EHBP1: variants seen among roughly 807,000 people sequenced by gnomAD.
The protein encoded by EHBP1 is EH domain binding protein 1.
A neutral mutation model predicts 144.0 loss-of-function variants in EHBP1; 55 were observed. That is an observed-to-expected ratio of 0.38 (90% CI 0.31 to 0.48). The LOEUF (loss-of-function observed/expected upper bound fraction) is 0.48. Among genes scored for constraint, EHBP1 ranks in the 20% least tolerant of loss-of-function variants. EHBP1 has a pLI of 0.98. For missense variants in EHBP1, 1,200 were observed against 1,364.2 expected (o/e 0.88, Z 1.90); for synonymous variants, 469 against 472.7 (o/e 0.99, Z 0.10).
intron 2 of EHBP1, among the ~76,000 whole-genome samples, chr2:62,747,004 T>C (rs548124323): frequency 3.9e-5 from 6 of 152,232 alleles, no homozygotes; most frequent in Non-Finnish European, 8.8e-5. Context: ...ATTCATAGAT[T>C]TAAATTATTT....
chr2:62,795,062 G>A (rs1264998025), intron 5 of EHBP1, among the ~76,000 whole-genome samples: 1 of 151,592 alleles, frequency 6.6e-6, no homozygotes, highest in African/African-American at 2.4e-5. Flanking sequence ...AATCAAATCT[G>A]TTTTTGACAT....
intron 2 of EHBP1, among the ~76,000 whole-genome samples, chr2:62,709,765 C>T (rs2034958676): frequency 6.6e-6 from 1 of 151,728 alleles, no homozygotes; most frequent in Non-Finnish European, 1.5e-5. Context: ...CTTAGTACCC[C>T]CAATACTTCT....
chr2:62,984,405 G>A (rs1194099601), intron 15 of EHBP1, among the ~76,000 whole-genome samples: 1 of 152,076 alleles, frequency 6.6e-6, no homozygotes. Context: ...ACCTTTTCCT[G>A]CACACACAGT....
At chr2:62,830,588 CTG>C (rs2046759503) in intron 6 of EHBP1, among the ~76,000 whole-genome samples, 1 of 152,162 alleles carries the variant, frequency 6.6e-6, no homozygotes, top group Non-Finnish European at 1.5e-5. Context: ...TTCTCCCACT[CTG>C]TGAGTTGTCT....
At position 62,887,498 on chromosome 2, in the gene EHBP1, G is replaced by T. The variant is rs558386200; in HGVS notation, c.1185+12966G>T. ...CATTCCTGTGATCCCAGCACTCTAAGAGGCTGAGGTGGGAGATTCGCTTGA... is the reference window on the plus strand; with the variant it reads ...CATTCCTGTGATCCCAGCACTCTAATAGGCTGAGGTGGGAGATTCGCTTGA... On this transcript the variant is annotated intron_variant, in intron 10 of 22. Coordinates refer to ENST00000431489, the MANE Select transcript of EHBP1 (RefSeq NM_001142616.3). Among the ~76,000 whole-genome samples the T allele has an allele frequency of 7.3e-5, 11 of 151,414 alleles. No individual in the cohort carries two copies. In the South Asian group the frequency reaches 2.3e-3, roughly 32 times the overall value.
At chr2:62,954,813 A>C (rs1453296035) in intron 13 of EHBP1, among the ~76,000 whole-genome samples, 1 of 152,168 alleles carries the variant, frequency 6.6e-6, no homozygotes, top group African/African-American at 2.4e-5. Context: ...TTGGTTACTT[A>C]GTAGAAAAAA....
intron 5 of EHBP1, among the ~76,000 whole-genome samples, chr2:62,790,079 A>G (rs1434233897): frequency 1.3e-5 from 2 of 152,170 alleles, no homozygotes; most frequent in African/African-American, 4.8e-5. Context: ...AGCCCAGGTG[A>G]ATATTTATAT....
chr2:62,749,645 C>A (rs181409294), intron 3 of EHBP1, among the ~76,000 whole-genome samples: 108 of 151,502 alleles, frequency 7.1e-4, no homozygotes, highest in African/African-American at 2.4e-3. Context: ...TCTCCAGCAC[C>A]TGTTTCCTGA....
chr2:62,898,867 G>GT (rs1438785656), intron 10 of EHBP1, among the ~76,000 whole-genome samples: 4 of 152,090 alleles, frequency 2.6e-5, no homozygotes, highest in African/African-American at 9.7e-5. Flanking sequence ...ATAATTTTGT[G>GT]TTTTAAAAAA....
chr2:62,864,138 A>G (rs777089370), intron 8 of EHBP1, among the ~76,000 whole-genome samples: 5 of 152,060 alleles, frequency 3.3e-5, no homozygotes, highest in African/African-American at 4.8e-5. Context: ...GCAAGAGACT[A>G]TGCCCAGCCT....
At chr2:62,879,590 C>G (rs113815436) in intron 10 of EHBP1, among the ~76,000 whole-genome samples, 4,876 of 139,050 alleles carry the variant, frequency 0.035, 116 homozygotes, top group African/African-American at 0.071. Context: ...CACACACACA[C>G]AGAGACAGAG....
At chr2:62,755,829 C>T (rs1280375571) in intron 3 of EHBP1, among the ~76,000 whole-genome samples, 1 of 151,820 alleles carries the variant, frequency 6.6e-6, no homozygotes, top group Non-Finnish European at 1.5e-5. Flanking sequence ...GAAATAGCCT[C>T]TAAATGTTTT....
In EHBP1 at chr2:62,950,407, C is replaced by T. The variant is rs1442695383; in HGVS notation, c.2316+1245C>T. Among the ~76,000 whole-genome samples the T allele has an allele frequency of 3.3e-5, 5 of 152,042 alleles. No homozygotes were observed. In the East Asian group the frequency reaches 9.6e-4, roughly 29 times the overall value. On this transcript the variant is annotated intron_variant, in intron 13 of 22. Coordinates refer to ENST00000431489, the MANE Select transcript of EHBP1 (RefSeq NM_001142616.3). ...GTAGATATAGGAATTCAGCTGCTTT[C>T]TTTTATATTGAGATTTACAAAATAT...
At chr2:62,782,542 G>A (rs778641145) in intron 5 of EHBP1, among the ~76,000 whole-genome samples, 6 of 152,152 alleles carry the variant, frequency 3.9e-5, no homozygotes, top group Admixed American at 1.3e-4. Flanking sequence ...CCACAGTTCC[G>A]TATGGCTGGG....
chr2:63,045,308 C>A lies in EHBP1; in HGVS notation c.3393-102C>A. Reference sequence around the variant, plus strand: ...TCCCACTGGCCTGGTGCTCCCCATTCCCGCTGGGGATCCAAATACTGGGCG... The same window carrying A: ...TCCCACTGGCCTGGTGCTCCCCATTACCGCTGGGGATCCAAATACTGGGCG... On this transcript the variant is annotated intron_variant, in intron 22 of 22. Coordinates refer to ENST00000431489, the MANE Select transcript of EHBP1 (RefSeq NM_001142616.3). This position sits in a 1 kb window ranked among gnomAD's most constrained non-coding sequence, Gnocchi z 5.7. 1 of 1,364,956 alleles carries A rather than the reference C, an allele frequency of 7.3e-7. No individual in the cohort carries two copies. 84.6% of individuals were successfully genotyped at this position (1,364,956 alleles called of 1,614,324 possible). A position where few individuals can be genotyped will look rare whatever the true frequency, so the allele number is the denominator to read the frequency against.
rs761856711 is a variant in EHBP1 at position 62,859,391 on chromosome 2, A to G, written c.757+100A>G. ...TTCTTCAGAGACTAACACACAAAAA[A>G]TTATTGTTTATAATGATATTATTAT... On this transcript the variant is annotated intron_variant, in intron 8 of 22. Coordinates refer to ENST00000431489, the MANE Select transcript of EHBP1 (RefSeq NM_001142616.3). The G allele has an allele frequency of 2.3e-4, 256 of 1,128,730 alleles. 1 individual carries two copies. Among genetic ancestry groups the G allele is most frequent in the Admixed American group, 5.3e-4 (21 of 39,274 alleles). 69.9% of individuals were successfully genotyped at this position (1,128,730 alleles called of 1,614,324 possible).
intron 10 of EHBP1, among the ~76,000 whole-genome samples, chr2:62,886,491 AT>A (rs1202565418): frequency 6.6e-6 from 1 of 151,882 alleles, no homozygotes; most frequent in Non-Finnish European, 1.5e-5. Flanking sequence ...TCCTATATAT[AT>A]TAGCTGTTCT....
intron 3 of EHBP1, among the ~76,000 whole-genome samples, chr2:62,752,778 T>C (rs1333447705): frequency 3.5e-5 from 5 of 144,230 alleles, no homozygotes; most frequent in Non-Finnish European, 7.6e-5. Flanking sequence ...GTGTGTTTTA[T>C]CACACTTTGT....
intron 1 of EHBP1, among the ~76,000 whole-genome samples, chr2:62,677,148 A>G (rs2033329361): frequency 1.3e-5 from 2 of 152,332 alleles, no homozygotes; most frequent in African/African-American, 4.8e-5. Context: ...CTGAGCTGTG[A>G]TTGTGCCACT....
Sources: allele counts gnomAD v4.1 joint callset (sites outside exome capture counted in the v4.1 genomes callset), GRCh38; gene constraint gnomAD v4.1.1; non-coding constraint Gnocchi (gnomAD v3.1); transcripts MANE v1.5; gene names NCBI Gene and HGNC (gene_info 2026-07-23, HGNC 2026-07-21).